Variants in CDIN1 observed in about 807,000 individuals in gnomAD.
CDIN1 encodes CDAN1-interacting nuclease 1.
In CDIN1, 33 loss-of-function variants were observed where a neutral mutation model predicts 45.3. The ratio of observed to expected loss-of-function variants is 0.73; its 90% CI spans 0.55 to 0.97. The LOEUF (loss-of-function observed/expected upper bound fraction) is 0.97. CDIN1 is among the 50% of genes least tolerant of loss of function. The pLI is 0.00. For synonymous variants in CDIN1, 118 were observed against 124.4 expected (o/e 0.95, Z 0.34); for missense variants, 303 against 339.4 (o/e 0.89, Z 0.84).
At chr15:36,597,045 T>C (rs2037868685) in intron 1 of CDIN1, among the ~76,000 whole-genome samples, 1 of 152,206 alleles carries the variant, frequency 6.6e-6, no homozygotes, top group Admixed American at 6.5e-5. Flanking sequence ...GATTTATTGC[T>C]TAAATTAATG....
chr15:36,660,706 T>G (rs559789525), intron 5 of CDIN1, among the ~76,000 whole-genome samples: 1 of 152,302 alleles, frequency 6.6e-6, no homozygotes, highest in African/African-American at 2.4e-5. Flanking sequence ...TTAAATAATG[T>G]TCTATAGCCT....
At position 36,650,585 on chromosome 15, in the gene CDIN1, G is replaced by A. The variant is rs2040535455; in HGVS notation, c.213-3513G>A. On this transcript the variant is annotated intron_variant, in intron 3 of 10. Transcript: ENST00000566621. ...AGCCTCCTGAGTAGTTGGGACTACA[G>A]GCACGCGCCACCATGCTGGGCTAAT... 2.0e-5 allele frequency among the ~76,000 whole-genome samples: 3 copies of A among 151,888 alleles called. No homozygotes were observed. In the South Asian group the frequency reaches 6.2e-4, roughly 32 times the overall value.
intron 1 of CDIN1, among the ~76,000 whole-genome samples, chr15:36,585,881 T>C (rs1191272543): frequency 6.6e-6 from 1 of 152,190 alleles, no homozygotes. Context: ...GTCTTACATA[T>C]GTATTACTTG....
At chr15:36,802,211 CCCT>C (rs1307872513) in intron 10 of CDIN1, among the ~76,000 whole-genome samples, 3 of 152,178 alleles carry the variant, frequency 2.0e-5, no homozygotes, top group African/African-American at 7.2e-5. Context: ...AGTCATAGTG[CCCT>C]CCTCATAGGG....
intron 1 of CDIN1, among the ~76,000 whole-genome samples, chr15:36,634,489 T>TTGA (rs2039815143): frequency 1.3e-5 from 2 of 152,232 alleles, no homozygotes; most frequent in Admixed American, 1.3e-4. Context: ...TTTATGGCCT[T>TTGA]TGATTGTGAA....
intron 1 of CDIN1, among the ~76,000 whole-genome samples, chr15:36,595,325 AT>A (rs1179884648): frequency 1.6e-4 from 23 of 147,686 alleles, no homozygotes; most frequent in Non-Finnish European, 1.5e-5. Context: ...ATATAATATA[AT>A]ATAATATAAT....
At chr15:36,788,100 ATATATATTTTTTTTTTTTT>A (rs1326326059) in intron 10 of CDIN1, among the ~76,000 whole-genome samples, 1 of 35,716 alleles carries the variant, frequency 2.8e-5, no homozygotes, top group African/African-American at 1.1e-4. Flanking sequence ...ATATATATAT[ATATATATTTTTTTTTTTTT>A]TTTTTTTTTT....
intron 8 of CDIN1, chr15:36,705,660 G>A (rs2042837320): frequency 6.6e-6 from 1 of 152,138 alleles, no homozygotes; most frequent in Admixed American, 6.5e-5. Context: ...TTGTGAATCT[G>A]AAGGTTAACA....
chr15:36,765,699 G>T (rs192039379), intron 10 of CDIN1, among the ~76,000 whole-genome samples: 1 of 151,932 alleles, frequency 6.6e-6, no homozygotes, highest in Admixed American at 6.6e-5. Context: ...TTTGAAAATG[G>T]ATCTACATTT....
At chr15:36,690,705 T>A (rs1027469872) in intron 5 of CDIN1, among the ~76,000 whole-genome samples, 3 of 152,178 alleles carry the variant, frequency 2.0e-5, no homozygotes, top group Non-Finnish European at 2.9e-5. Flanking sequence ...CAGTATGCAT[T>A]TTAATTTGTG....
chr15:36,676,188 T>C (rs1384497041), intron 5 of CDIN1, among the ~76,000 whole-genome samples: 4 of 152,178 alleles, frequency 2.6e-5, no homozygotes, highest in African/African-American at 9.7e-5. Context: ...TCGTTTAACA[T>C]GCCTTGAAAT....
At chr15:36,690,219 A>G (rs1437287743) in intron 5 of CDIN1, among the ~76,000 whole-genome samples, 1 of 152,168 alleles carries the variant, frequency 6.6e-6, no homozygotes, top group Non-Finnish European at 1.5e-5. Flanking sequence ...ACTATTTTTA[A>G]GTGAATAAGA....
chr15:36,697,251 A>C, intron 7 of CDIN1, 72 bp from the exon 8 acceptor site: 1 of 1,300,118 alleles, frequency 7.7e-7, no homozygotes, highest in Non-Finnish European at 1.1e-6. Context: ...TGCTCAAAGT[A>C]TAGACCTGGT....
At chr15:36,680,519 C>A (rs1449890097) in intron 5 of CDIN1, among the ~76,000 whole-genome samples, 1 of 151,992 alleles carries the variant, frequency 6.6e-6, no homozygotes, top group Non-Finnish European at 1.5e-5. Flanking sequence ...CAGGTATAAA[C>A]AAGAGAAGTA....
At chr15:36,798,149 T>C (rs1474788336) in intron 10 of CDIN1, among the ~76,000 whole-genome samples, 1 of 152,058 alleles carries the variant, frequency 6.6e-6, no homozygotes, top group Non-Finnish European at 1.5e-5. Flanking sequence ...TCAACAAATA[T>C]GTATTGGCTG....
chr15:36,745,052 C>G (rs1198869354), intron 10 of CDIN1, among the ~76,000 whole-genome samples: 1 of 152,016 alleles, frequency 6.6e-6, no homozygotes, highest in African/African-American at 2.4e-5. Flanking sequence ...TATGTATGAG[C>G]AGATTATGAT....
intron 10 of CDIN1, among the ~76,000 whole-genome samples, chr15:36,804,056 A>G (rs117181495): frequency 6.6e-6 from 1 of 151,880 alleles, no homozygotes; most frequent in African/African-American, 2.4e-5. Flanking sequence ...TAGCTGTGAG[A>G]CCTTAGGCAA....
chr15:36,619,508 TATCTATC>T (rs1319876908), intron 1 of CDIN1, among the ~76,000 whole-genome samples: 1 of 151,586 alleles, frequency 6.6e-6, no homozygotes, highest in Non-Finnish European at 1.5e-5. Context: ...TCTATCTATC[TATCTATC>T]TATCCATCCA....
intron 5 of CDIN1, among the ~76,000 whole-genome samples, chr15:36,681,012 C>T (rs1487731112): frequency 1.3e-5 from 2 of 151,734 alleles, no homozygotes; most frequent in East Asian, 3.9e-4. Flanking sequence ...ATGGAGGAGA[C>T]CAATTACCAT....
Sources: gnomAD v4.1 joint callset for allele counts (sites outside exome capture counted in the v4.1 genomes callset) on GRCh38, gnomAD v4.1.1 for gene constraint, MANE v1.5 for transcripts, NCBI Gene and HGNC (gene_info 2026-07-23, HGNC 2026-07-21) for gene names.